ZNF334: variants seen among roughly 807,000 people sequenced by gnomAD.
ZNF334 encodes the protein zinc finger protein 334.
A neutral mutation model predicts 12.4 loss-of-function variants in ZNF334; 14 were observed. The observed-to-expected ratio is 1.13, with a 90% confidence interval of 0.74 to 1.76. The LOEUF is 1.76. ZNF334 is among the 40% of genes most tolerant of loss of function. The probability of loss-of-function intolerance (pLI) is 0.00; values close to 1 mark genes in which losing one functional copy is unlikely to be tolerated. For missense variants in ZNF334, 797 were observed against 804.5 expected (o/e 0.99, Z 0.11); for synonymous variants, 273 against 269.6 (o/e 1.01, Z -0.12).
At chr20:46,485,533 TA>T in the ZNF334 span, 1 of 151,978 alleles carries the variant, frequency 6.6e-6, no homozygotes, top group Non-Finnish European at 1.5e-5. Context: ...ATTTACCATC[TA>T]GTTGGAAAGA....
chr20:46,468,282 T>TC, the ZNF334 span, among the ~76,000 whole-genome samples: 1 of 151,612 alleles, frequency 6.6e-6, no homozygotes, highest in Non-Finnish European at 1.5e-5. Flanking sequence ...CACCCACATT[T>TC]TTTTTTTTTT....
At chr20:46,468,312 G>A in the ZNF334 span, among the ~76,000 whole-genome samples, 2 of 150,382 alleles carry the variant, frequency 1.3e-5, no homozygotes, top group Non-Finnish European at 2.9e-5. Context: ...GTCTCGCTCT[G>A]TCGCCCAGGC....
rs369911399 is a variant in ZNF334 at position 46,501,289 on chromosome 20, T to C, written c.*7A>G. ...TGCTTTGTTGGAATTTATTACTTTG[T>C]TGGAACTTATTCCTTGTGGGATTTC... On this transcript the variant is annotated 3_prime_UTR_variant, in exon 5 of 5. Transcript: ENST00000692313. 7 of 1,604,088 alleles carry C rather than the reference T, an allele frequency of 4.4e-6. No homozygotes were observed. Among genetic ancestry groups the C allele is most frequent in the Non-Finnish European group, 6.0e-6 (7 of 1,174,860 alleles).
At position 46,502,862 on chromosome 20, in the gene ZNF334, T is replaced by C. The variant is rs1373172178; in HGVS notation, c.477A>G (p.Arg159=). The C allele has an allele frequency of 6.2e-7, 1 of 1,613,754 alleles. No individual in the cohort carries two copies. Among genetic ancestry groups the C allele is most frequent in the East Asian group, 2.2e-5 (1 of 44,862 alleles). The change falls in exon 5 of 5, where the codon AGA becomes AGG. Residue 159 remains arginine, a synonymous_variant. Transcript: ENST00000692313. ...VIVAKKSKEN[R]KIPDGYSGFG... ...ATCCACTGTATCCATCAGGAATCTT[T>C]CTGTTTTCTTTGCTTTTCTTTGCAA...
rs1453687612 is a variant in ZNF334, at chr20:46,502,269, G to C, written c.1070C>G (p.Ala357Gly). 2 of 1,614,020 alleles carry C rather than the reference G, an allele frequency of 1.2e-6. No homozygotes were observed. The highest frequency in any genetic ancestry group is 1.1e-5 in the South Asian group (1 of 91,074). Reference protein sequence around the residue: ...KPYECKECGNAFSKKSYLVVH... With the variant: ...KPYECKECGNGFSKKSYLVVH... Reference sequence around the variant, plus strand: ...AACAAGATACGATTTCTTGCTGAAGGCATTTCCACATTCCTTGCATTCGTA... The same window carrying C: ...AACAAGATACGATTTCTTGCTGAAGCCATTTCCACATTCCTTGCATTCGTA... Residue 357 changes from alanine to glycine, a missense_variant, in exon 5 of 5, where the codon GCC becomes GGC. Coordinates refer to ENST00000692313, the MANE Select transcript of ZNF334 (RefSeq NM_001353824.2).
chr20:46,506,074 A>C, intron 2 of ZNF334: 1 of 334,494 alleles, frequency 3.0e-6, no homozygotes, highest in Non-Finnish European at 5.4e-6. Flanking sequence ...AAAAAAGAGA[A>C]TCGAGCATAG....
At chr20:46,504,843 T>C (rs1163326500) in intron 2 of ZNF334, 103 bp from the exon 3 acceptor site, 3 of 1,014,562 alleles carry the variant, frequency 3.0e-6, no homozygotes, top group Admixed American at 2.7e-5. Flanking sequence ...TGGAAAGCTA[T>C]AGAGAGATGT....
At chr20:46,466,968 A>G in the ZNF334 span, among the ~76,000 whole-genome samples, 3 of 152,250 alleles carry the variant, frequency 2.0e-5, no homozygotes, top group Admixed American at 2.0e-4. Flanking sequence ...TAAAATGAGC[A>G]TGCACTTTAA....
chr20:46,476,094 A>G, the ZNF334 span: 2 of 152,354 alleles, frequency 1.3e-5, no homozygotes, highest in South Asian at 4.1e-4. Context: ...ATCAATACAT[A>G]TAGTGACTTG....
the ZNF334 span, among the ~76,000 whole-genome samples, chr20:46,478,509 T>G: frequency 2.0e-5 from 3 of 152,330 alleles, no homozygotes; most frequent in Admixed American, 2.0e-4. Context: ...GGTAGCTGGC[T>G]TTAGAGAGAA....
chr20:46,474,055 C>T, the ZNF334 span, among the ~76,000 whole-genome samples: 5 of 152,148 alleles, frequency 3.3e-5, no homozygotes, highest in Non-Finnish European at 7.3e-5. Context: ...CTGAGGGATG[C>T]TAAATGCACT....
At chr20:46,472,113 A>C in the ZNF334 span, among the ~76,000 whole-genome samples, 1 of 152,320 alleles carries the variant, frequency 6.6e-6, no homozygotes, top group Admixed American at 6.5e-5. Context: ...GTGTCCACTC[A>C]TGTCTTTCCA....
In ZNF334 at chr20:46,499,709, C is replaced by A. The variant is rs565896646; in HGVS notation, c.*1587G>T. 3 of 152,254 alleles carry A rather than the reference C, an allele frequency of 2.0e-5. No individual in the cohort carries two copies. In the South Asian group the frequency reaches 6.2e-4, roughly 32 times the overall value. The allele number at this position is 152,254 out of a possible 1,614,324, so 9.4% of individuals were successfully genotyped here. Reference sequence around the variant, plus strand: ...ATTTCTTTCACAATAGCAACCAAATCTTTGAAGTGACTATTAATACATTTC... The same window carrying A: ...ATTTCTTTCACAATAGCAACCAAATATTTGAAGTGACTATTAATACATTTC... On this transcript the variant is annotated 3_prime_UTR_variant, in exon 5 of 5. Transcript: ENST00000692313.
At chr20:46,475,264 T>C in the ZNF334 span, among the ~76,000 whole-genome samples, 6 of 152,162 alleles carry the variant, frequency 3.9e-5, no homozygotes, top group East Asian at 1.2e-3. Context: ...TCCATAGACA[T>C]AAAAAACCAA....
the ZNF334 span, among the ~76,000 whole-genome samples, chr20:46,488,444 A>ATATATATATATATATATATATATAT: frequency 5.9e-5 from 5 of 84,186 alleles, no homozygotes; most frequent in African/African-American, 2.7e-4. Flanking sequence ...TATATATATA[A>ATATATATATATATATATATATATAT]ATACCATAAT....
At chr20:46,491,729 G>T in the ZNF334 span, 1 of 152,950 alleles carries the variant, frequency 6.5e-6, no homozygotes, top group African/African-American at 2.4e-5. Context: ...TCATACGGGA[G>T]AGAGACCTTA....
the ZNF334 span, among the ~76,000 whole-genome samples, chr20:46,469,391 C>G: frequency 4.8e-5 from 7 of 144,684 alleles, no homozygotes; most frequent in Non-Finnish European, 1.0e-4. Context: ...TTTTTTGAGA[C>G]GGAGTCTCGC....
chr20:46,504,471 T>C, intron 3 of ZNF334, 143 bp downstream of exon 3: 1 of 1,199,298 alleles, frequency 8.3e-7, no homozygotes, highest in East Asian at 2.4e-5. Context: ...AGTGAATACA[T>C]ACACAAACTT....
At chr20:46,466,594 C>T in the ZNF334 span, among the ~76,000 whole-genome samples, 1 of 152,190 alleles carries the variant, frequency 6.6e-6, no homozygotes, top group Non-Finnish European at 1.5e-5. Flanking sequence ...TGCAATTCTC[C>T]TGCCTCAGCC....
Sources: allele counts gnomAD v4.1 joint callset (sites outside exome capture counted in the v4.1 genomes callset), GRCh38; gene constraint gnomAD v4.1.1; transcripts MANE v1.5; gene names NCBI Gene and HGNC (gene_info 2026-07-23, HGNC 2026-07-21).